Variants in ATAD2B observed in about 807,000 individuals in gnomAD.
ATAD2B encodes ATPase family AAA domain containing 2B, also known as ATPase family AAA domain-containing protein 2B.
A neutral mutation model predicts 167.6 loss-of-function variants in ATAD2B; 40 were observed. That is an observed-to-expected ratio of 0.24 (90% CI 0.19 to 0.31). The LOEUF is 0.31. ATAD2B is among the 10% of genes least tolerant of loss of function. The pLI is 1.00. For synonymous variants in ATAD2B, 579 were observed against 596.5 expected (o/e 0.97, Z 0.43); for missense variants, 1,242 against 1,757.2 (o/e 0.71, Z 5.24).
chr2:23,914,445 CA>C (rs1047680336), intron 1 of ATAD2B, among the ~76,000 whole-genome samples: 1 of 151,696 alleles, frequency 6.6e-6, no homozygotes, highest in Non-Finnish European at 1.5e-5. Context: ...AGAAGGAAAG[CA>C]AAAAAAGTTA....
At chr2:23,823,866 T>G (rs1243370186) in intron 15 of ATAD2B, among the ~76,000 whole-genome samples, 1 of 151,864 alleles carries the variant, frequency 6.6e-6, no homozygotes, top group East Asian at 1.9e-4. Context: ...GTCCTTGATA[T>G]GAGCTTTAAA....
intron 18 of ATAD2B, among the ~76,000 whole-genome samples, chr2:23,804,933 A>T (rs1161403910): frequency 6.6e-6 from 1 of 152,048 alleles, no homozygotes; most frequent in East Asian, 1.9e-4. Context: ...ACCTGAGGTC[A>T]GGAGTTCCAG....
At chr2:23,917,851 G>A (rs2150627067) in intron 1 of ATAD2B, among the ~76,000 whole-genome samples, 1 of 152,166 alleles carries the variant, frequency 6.6e-6, no homozygotes, top group East Asian at 1.9e-4. Flanking sequence ...CTGAGGTCAG[G>A]AGTTCAAGAC....
At chr2:23,689,567 C>T in the ATAD2B span, 1 of 152,426 alleles carries the variant, frequency 6.6e-6, no homozygotes, top group African/African-American at 2.4e-5. Flanking sequence ...CAGCCCTTCA[C>T]TGGCTTTGAG....
At chr2:23,689,418 G>C in the ATAD2B span, 1 of 152,446 alleles carries the variant, frequency 6.6e-6, no homozygotes, top group East Asian at 1.9e-4. Context: ...AGCCATGTGA[G>C]TCCCATCGCA....
chr2:23,765,767 T>TA (rs1258804691), intron 22 of ATAD2B, 139 bp from the exon 23 acceptor site: 3 of 493,842 alleles, frequency 6.1e-6, no homozygotes, highest in South Asian at 4.9e-5. Flanking sequence ...AAAGTATGGG[T>TA]AAAAAAATAA....
At chr2:23,743,323 T>C in the ATAD2B span, among the ~76,000 whole-genome samples, 2 of 152,060 alleles carry the variant, frequency 1.3e-5, no homozygotes, top group African/African-American at 2.4e-5. Flanking sequence ...TCCCAGCACT[T>C]TGGGAGGCCG....
At chr2:23,909,014 G>T (rs1701875617) in intron 1 of ATAD2B, among the ~76,000 whole-genome samples, 1 of 150,286 alleles carries the variant, frequency 6.7e-6, no homozygotes, top group Non-Finnish European at 1.5e-5. Flanking sequence ...ATAGCATTGG[G>T]AGATATACCT....
the ATAD2B span, among the ~76,000 whole-genome samples, chr2:23,728,633 T>C: frequency 6.6e-6 from 1 of 152,328 alleles, no homozygotes. Flanking sequence ...AAAACAATAT[T>C]TACACTATAT....
At chr2:23,926,220 C>T (rs1261218691) in intron 1 of ATAD2B, among the ~76,000 whole-genome samples, 2 of 152,224 alleles carry the variant, frequency 1.3e-5, no homozygotes, top group East Asian at 1.9e-4. Context: ...GGCTCTGGCC[C>T]TTCGCTCTTG....
At chr2:23,862,754 A>T (rs1694601169) in intron 12 of ATAD2B, among the ~76,000 whole-genome samples, 2 of 151,886 alleles carry the variant, frequency 1.3e-5, no homozygotes, top group Non-Finnish European at 1.5e-5. Flanking sequence ...CTACTTTGTG[A>T]GATTTCTTGC....
intron 15 of ATAD2B, among the ~76,000 whole-genome samples, chr2:23,825,506 A>C (rs1478254374): frequency 1.3e-5 from 2 of 152,184 alleles, no homozygotes; most frequent in Non-Finnish European, 2.9e-5. Flanking sequence ...CTGGAAAAAA[A>C]TTATCTTTTC....
chr2:23,831,528 T>C (rs1689072223), intron 14 of ATAD2B, among the ~76,000 whole-genome samples: 2 of 152,192 alleles, frequency 1.3e-5, no homozygotes, highest in African/African-American at 4.8e-5. Flanking sequence ...CCGTTCATTA[T>C]GCCTTTCTCC....
intron 9 of ATAD2B, 120 bp downstream of exon 9, chr2:23,869,543 C>T (rs534945023): frequency 4.3e-4 from 302 of 697,270 alleles, no homozygotes; most frequent in Non-Finnish European, 6.2e-4. Context: ...GAAACCAAGT[C>T]AATGTCTTAA....
intron 19 of ATAD2B, among the ~76,000 whole-genome samples, chr2:23,788,918 T>C (rs1034121058): frequency 2.0e-4 from 27 of 136,704 alleles, no homozygotes; most frequent in African/African-American, 6.4e-4. Flanking sequence ...GCAAAAAGGA[T>C]AGCTGGTTGT....
At position 23,819,899 on chromosome 2, in the gene ATAD2B, C is replaced by A; in HGVS notation, c.2132-17G>T. 1 of 1,553,910 alleles carries A rather than the reference C, an allele frequency of 6.4e-7. No homozygotes were observed. ...TTTCTATATCTGTTTAAAAAAATCACAATGGTTATGGGGCTTATAAAGTCA... is the reference window on the plus strand; with the variant it reads ...TTTCTATATCTGTTTAAAAAAATCAAAATGGTTATGGGGCTTATAAAGTCA... On this transcript the variant is annotated splice_polypyrimidine_tract_variant and intron_variant, in intron 16 of 27. Transcript: ENST00000238789.
At chr2:23,776,866 AT>A (rs1386692762) in intron 22 of ATAD2B, among the ~76,000 whole-genome samples, 2 of 152,220 alleles carry the variant, frequency 1.3e-5, no homozygotes, top group African/African-American at 2.4e-5. Context: ...ATGACTTTCT[AT>A]ATAGTAGGGA....
chr2:23,867,988 T>G, intron 9 of ATAD2B, 42 bp from the exon 10 acceptor site: 1 of 1,356,186 alleles, frequency 7.4e-7, no homozygotes, highest in African/African-American at 1.4e-5. Flanking sequence ...ATTAAAAGTT[T>G]CACATTTTTA....
chr2:23,863,236 G>T, intron 12 of ATAD2B, 145 bp downstream of exon 12: 1 of 721,676 alleles, frequency 1.4e-6, no homozygotes, highest in Non-Finnish European at 2.2e-6. Flanking sequence ...TAGAGCCCTG[G>T]ATGTCAAGAC....
Sources: allele counts gnomAD v4.1 joint callset (sites outside exome capture counted in the v4.1 genomes callset), GRCh38; gene constraint gnomAD v4.1.1; transcripts MANE v1.5; gene names NCBI Gene and HGNC (gene_info 2026-07-23, HGNC 2026-07-21).